The following DIP2C variants were observed in gnomAD, a reference collection of about 807,000 sequenced individuals.
The protein encoded by DIP2C is DIP2 acetate--CoA ligase C (putative).
In DIP2C, 33 loss-of-function variants were observed where a neutral mutation model predicts 192.4. The ratio of observed to expected loss-of-function variants is 0.17; its 90% CI spans 0.13 to 0.23. The LOEUF (loss-of-function observed/expected upper bound fraction) is 0.23. Ranked by LOEUF, DIP2C falls within the 10% of genes least tolerant of loss-of-function variation. The pLI, the probability that DIP2C is intolerant of heterozygous loss-of-function variation, is 1.00. For synonymous variants in DIP2C, 979 were observed against 864.1 expected (o/e 1.13, Z -2.33); for missense variants, 1,537 against 2,110.1 (o/e 0.73, Z 5.32).
At chr10:504,088 G>T (rs1423851711) in intron 1 of DIP2C, among the ~76,000 whole-genome samples, 1 of 152,084 alleles carries the variant, frequency 6.6e-6, no homozygotes, top group Non-Finnish European at 1.5e-5. Context: ...TTCATCTCAC[G>T]ACACACACAG....
intron 1 of DIP2C, among the ~76,000 whole-genome samples, chr10:567,149 G>A (rs542216137): frequency 1.6e-4 from 25 of 152,186 alleles, no homozygotes; most frequent in Non-Finnish European, 2.4e-4. Context: ...ATCCAACTCC[G>A]GCGGAAGGAG....
chr10:593,626 C>T (rs367775847), intron 1 of DIP2C, among the ~76,000 whole-genome samples: 6 of 151,948 alleles, frequency 3.9e-5, no homozygotes, highest in South Asian at 2.1e-4. Flanking sequence ...AGCATGGAGA[C>T]GGCACATATC....
intron 1 of DIP2C, among the ~76,000 whole-genome samples, chr10:528,756 A>C (rs1335833601): frequency 6.6e-6 from 1 of 152,148 alleles, no homozygotes; most frequent in African/African-American, 2.4e-5. Flanking sequence ...AGGAGCTTGC[A>C]AAGTACCACT....
In DIP2C at chr10:678,912, G is replaced by A. The variant is rs192092630; in HGVS notation, c.85+10582C>T. On this transcript the variant is annotated intron_variant, in intron 1 of 36. Transcript: ENST00000280886. ...TCCTCCCCCCACCCATGCTCCCCGC[G>A]CCCATGCTCCCCGCACCCATGCTCC... Among the ~76,000 whole-genome samples, 4 of 1,700 alleles carry A rather than the reference G, an allele frequency of 2.4e-3. 1 individual carries two copies. Among genetic ancestry groups the A allele is most frequent in the Non-Finnish European group, 6.5e-3 (2 of 308 alleles). 1.1% of individuals were successfully genotyped at this position (1,700 alleles called of 152,430 possible).
At chr10:504,715 T>TA (rs1332185229) in intron 1 of DIP2C, among the ~76,000 whole-genome samples, 1 of 152,254 alleles carries the variant, frequency 6.6e-6, no homozygotes, top group East Asian at 1.9e-4. Flanking sequence ...TAGTACATCT[T>TA]ACTGTTTCCT....
chr10:415,734 A>G (rs1349892204), intron 7 of DIP2C, 35 bp downstream of exon 7: 1 of 1,611,824 alleles, frequency 6.2e-7, no homozygotes, highest in Admixed American at 1.7e-5. Flanking sequence ...CCATAGGAGC[A>G]TCTGGAAGAA....
chr10:277,755 G>A (rs1954590992), intron 36 of DIP2C, among the ~76,000 whole-genome samples, 178 bp from the exon 37 acceptor site: 1 of 151,964 alleles, frequency 6.6e-6, no homozygotes, highest in Non-Finnish European at 1.5e-5. Flanking sequence ...CAGACTTCCT[G>A]GCGACAGCAC....
chr10:539,476 C>A (rs1390912581), intron 1 of DIP2C, among the ~76,000 whole-genome samples: 3 of 152,184 alleles, frequency 2.0e-5, no homozygotes, highest in African/African-American at 7.2e-5. Context: ...AAACACTATG[C>A]CATTTTATTC....
intron 1 of DIP2C, among the ~76,000 whole-genome samples, chr10:506,749 C>T (rs816587): frequency 0.029 from 4,418 of 152,284 alleles, 219 homozygotes; most frequent in African/African-American, 0.099. Flanking sequence ...CCCCAAAGCA[C>T]GGAGGAGGGG....
intron 4 of DIP2C, among the ~76,000 whole-genome samples, chr10:436,004 T>C (rs1358084824): frequency 2.0e-5 from 3 of 152,186 alleles, no homozygotes; most frequent in Admixed American, 1.3e-4. Flanking sequence ...ATTTTATTAA[T>C]ATACTTTTAA....
intron 1 of DIP2C, among the ~76,000 whole-genome samples, chr10:555,267 CT>C (rs1352306814): frequency 6.6e-6 from 1 of 151,720 alleles, no homozygotes; most frequent in Non-Finnish European, 1.5e-5. Flanking sequence ...CTTCTGGGCT[CT>C]TTGCTGTTTT....
At position 346,535 on chromosome 10, in the gene DIP2C, C is replaced by A. The variant is rs1312731708; in HGVS notation, c.3232-1425G>T. 1.6e-5 allele frequency among the ~76,000 whole-genome samples: 2 copies of A among 127,050 alleles called. 1 individual carries two copies. Among genetic ancestry groups the A allele is most frequent in the Non-Finnish European group, 3.2e-5 (2 of 61,678 alleles). 83.3% of individuals were successfully genotyped at this position (127,050 alleles called of 152,430 possible). A position where few individuals can be genotyped will look rare whatever the true frequency, so the allele number is the denominator to read the frequency against. ...ATCGCGCATAGTTCTCCCGGAAACC[C>A]CACACTCACCCAACCCAGACACATC... On this transcript the variant is annotated intron_variant, in intron 26 of 36. Transcript: ENST00000280886.
At chr10:481,275 TAAG>T (rs1464312642) in intron 2 of DIP2C, among the ~76,000 whole-genome samples, 9 of 152,228 alleles carry the variant, frequency 5.9e-5, no homozygotes, top group African/African-American at 7.2e-5. Context: ...TTTACGTACT[TAAG>T]AAACTTTCTC....
chr10:285,165 A>AC (rs1244832596), intron 34 of DIP2C, among the ~76,000 whole-genome samples: 34 of 151,850 alleles, frequency 2.2e-4, no homozygotes, highest in Non-Finnish European at 4.3e-4. Context: ...AAAAAAAAAA[A>AC]AAAAAACACA....
In DIP2C at chr10:426,283, A is replaced by G. The variant is rs140919185; in HGVS notation, c.395-3250T>C. 2.9e-3 allele frequency among the ~76,000 whole-genome samples: 432 copies of G among 151,400 alleles called. 1 individual carries two copies. Among genetic ancestry groups the G allele is most frequent in the Non-Finnish European group, 4.1e-3 (280 of 68,028 alleles). On this transcript the variant is annotated intron_variant, in intron 4 of 36. Transcript: ENST00000280886. ...CATAAAACACTCAGCCAAACTTCTA[A>G]CAAAAAGGTACAAAATGTGTACACT...
At chr10:587,611 C>A (rs1366064444) in intron 1 of DIP2C, among the ~76,000 whole-genome samples, 1 of 151,932 alleles carries the variant, frequency 6.6e-6, no homozygotes, top group Non-Finnish European at 1.5e-5. Flanking sequence ...CCAGGCACTG[C>A]CTCAGCCCTG....
At chr10:301,353 G>A (rs1199351681) in intron 32 of DIP2C, among the ~76,000 whole-genome samples, 2 of 152,224 alleles carry the variant, frequency 1.3e-5, no homozygotes. Flanking sequence ...AGAGGGAGGG[G>A]ATGCTGGTCA....
intron 1 of DIP2C, among the ~76,000 whole-genome samples, chr10:524,032 T>C (rs1440769331): frequency 5.9e-5 from 9 of 152,090 alleles, no homozygotes; most frequent in Non-Finnish European, 1.3e-4. Context: ...CAGGAGGCCG[T>C]GCAATGGCCC....
At chr10:332,926 A>G (rs928174928) in intron 29 of DIP2C, among the ~76,000 whole-genome samples, 1 of 152,204 alleles carries the variant, frequency 6.6e-6, no homozygotes, top group Non-Finnish European at 1.5e-5. Context: ...TTGTTGAGAC[A>G]GAGTCTCACT....
Sources: allele counts gnomAD v4.1 joint callset (sites outside exome capture counted in the v4.1 genomes callset), GRCh38; gene constraint gnomAD v4.1.1; transcripts MANE v1.5; gene names NCBI Gene and HGNC (gene_info 2026-07-23, HGNC 2026-07-21).